Variants in FOXP4 observed in about 807,000 individuals in gnomAD.
FOXP4 encodes forkhead box P4.
In FOXP4, 25 loss-of-function variants were observed where a neutral mutation model predicts 82.6. The ratio of observed to expected loss-of-function variants is 0.30; its 90% CI spans 0.22 to 0.42. The LOEUF is 0.42. Among genes scored for constraint, FOXP4 ranks in the 10% least tolerant of loss-of-function variants. The probability of loss-of-function intolerance (pLI) is 1.00; values close to 1 mark genes in which losing one functional copy is unlikely to be tolerated. For missense variants in FOXP4, 785 were observed against 900.9 expected, an observed-to-expected ratio of 0.87 and a Z score of 1.65; for synonymous variants, 415 against 388.2, an observed-to-expected ratio of 1.07 and a Z score of -0.81.
At chr6:41,552,839 GTC>G (rs1764074851) in intron 1 of FOXP4, among the ~76,000 whole-genome samples, 1 of 152,106 alleles carries the variant, frequency 6.6e-6, no homozygotes, top group African/African-American at 2.4e-5. Flanking sequence ...GGCCTAAACA[GTC>G]TGTACCCACA....
At chr6:41,588,609 A>C (rs1166894046) in intron 8 of FOXP4, 35 bp from the exon 9 acceptor site, 1 of 1,606,836 alleles carries the variant, frequency 6.2e-7, no homozygotes, top group Non-Finnish European at 8.5e-7. Context: ...GGGAAACCGG[A>C]GCCAACTTTC....
At chr6:41,576,891 C>G (rs1275528441) in intron 2 of FOXP4, among the ~76,000 whole-genome samples, 1 of 152,182 alleles carries the variant, frequency 6.6e-6, no homozygotes. Context: ...CCTGCACTGG[C>G]TCCCAAGGGG....
At chr6:41,598,675 G>A in intron 16 of FOXP4, 114 bp from the exon 17 acceptor site, 2 of 1,450,790 alleles carry the variant, frequency 1.4e-6, no homozygotes, top group Non-Finnish European at 1.9e-6. Context: ...GGATCCTGGG[G>A]AGGGGGCTGT....
chr6:41,550,746 G>T (rs189318085), intron 1 of FOXP4, among the ~76,000 whole-genome samples: 114 of 152,338 alleles, frequency 7.5e-4, no homozygotes, highest in African/African-American at 2.6e-3. Context: ...GTTTCCACCT[G>T]CACACAACCC....
Position 41,587,881 on chromosome 6 carries a change from C to G in FOXP4, c.961C>G (p.Leu321Val), listed in dbSNP as rs762633411. Reference sequence around the variant, plus strand: ...AGGCTGTGAGACCCTGTGTGAAGACCTGGGCCAGTTTATCAAGTAGGTGTC... The same window carrying G: ...AGGCTGTGAGACCCTGTGTGAAGACGTGGGCCAGTTTATCAAGTAGGTGTC... ...WPGCETLCEDLGQFIKHLNTE... is the reference protein window; with the variant it reads ...WPGCETLCEDVGQFIKHLNTE... The change falls in exon 8 of 17, where the codon CTG (leucine) becomes GTG (valine). Residue 321 changes from leucine to valine, a missense_variant. This residue lies in a region of FOXP4 where 570 missense variants were observed against 634.0 expected (regional missense o/e 0.90). Coordinates refer to ENST00000307972, the MANE Select transcript of FOXP4 (RefSeq NM_001012426.2). The G allele has an allele frequency of 1.9e-6, 3 of 1,559,328 alleles. No homozygotes were observed. In the East Asian group the frequency reaches 7.2e-5, roughly 37 times the overall value.
intron 3 of FOXP4, among the ~76,000 whole-genome samples, chr6:41,584,132 G>A (rs919435131): frequency 5.3e-5 from 8 of 152,202 alleles, no homozygotes; most frequent in African/African-American, 1.9e-4. Flanking sequence ...ACACACATTA[G>A]GACCAGGATG....
chr6:41,598,588 A>C, intron 16 of FOXP4: 1 of 694,924 alleles, frequency 1.4e-6, no homozygotes, highest in Non-Finnish European at 2.4e-6. Flanking sequence ...CTCCTCCCCA[A>C]CCCAGAGCAG....
intron 15 of FOXP4, 94 bp downstream of exon 15, chr6:41,597,336 C>T (rs1766904836): frequency 7.4e-7 from 1 of 1,344,338 alleles, no homozygotes; most frequent in South Asian, 1.2e-5. Context: ...GAGGACTCAC[C>T]AGAGGAGGGA....
intron 2 of FOXP4, among the ~76,000 whole-genome samples, chr6:41,569,916 TG>T (rs1765093100): frequency 6.7e-6 from 1 of 150,316 alleles, no homozygotes; most frequent in African/African-American, 2.5e-5. Flanking sequence ...TTCAAAGAGA[TG>T]GGGGGAATGT....
chr6:41,595,584 T>C (rs928815154), intron 14 of FOXP4, among the ~76,000 whole-genome samples: 13 of 152,086 alleles, frequency 8.5e-5, no homozygotes, highest in African/African-American at 2.7e-4. Context: ...ATTTATTATT[T>C]TTTTAATTTT....
intron 14 of FOXP4, among the ~76,000 whole-genome samples, chr6:41,595,566 A>C (rs2127405954): frequency 6.6e-6 from 1 of 151,814 alleles, no homozygotes; most frequent in Non-Finnish European, 1.5e-5. Context: ...TTATTTATTT[A>C]CTTATTTATT....
rs1388829672 is a variant in FOXP4, at chr6:41,591,547, C to A, written c.1536+225C>A. Among the ~76,000 whole-genome samples, 2 of 152,350 alleles carry A rather than the reference C, an allele frequency of 1.3e-5. No homozygotes were observed. Among genetic ancestry groups the A allele is most frequent in the East Asian group, 3.9e-4 (2 of 5,176 alleles). On this transcript the variant is annotated intron_variant, in intron 13 of 16. Transcript: ENST00000307972. This position sits in a 1 kb window ranked among gnomAD's most constrained non-coding sequence, Gnocchi z 4.2. Reference sequence around the variant, plus strand: ...CTTCCTTCCAGCCTGGTGCTGCCTCCTTTCTGGGAAGCAATCCTTCTCTAG... The same window carrying A: ...CTTCCTTCCAGCCTGGTGCTGCCTCATTTCTGGGAAGCAATCCTTCTCTAG...
In FOXP4 at chr6:41,601,104, C is replaced by CCT. The variant is rs898304798; in HGVS notation, c.*2168_*2169insCT. The CCT allele has an allele frequency of 6.6e-6, 1 of 152,140 alleles. No homozygotes were observed. The highest frequency in any genetic ancestry group is 1.5e-5 in the Non-Finnish European group (1 of 68,082). The allele number at this position is 152,140 out of a possible 1,614,324, so 9.4% of individuals were successfully genotyped here. A position where few individuals can be genotyped will look rare whatever the true frequency, so the allele number is the denominator to read the frequency against. On this transcript the variant is annotated 3_prime_UTR_variant, in exon 17 of 17. Coordinates refer to ENST00000307972, the MANE Select transcript of FOXP4 (RefSeq NM_001012426.2). ...TCTTCAAGGGGGCTGCCTGGATAGG[C>CCT]GTGTGTGTGTGTAGTGCCCAGGTGT...
rs771893921 is a variant in FOXP4 at position 41,589,515 on chromosome 6, C to T, written c.1066-256C>T. ...AGGCAGGGATAAGCTCCAGCCAGGA[C>T]GCACTGGGAGGGCTCAAATGGTCAC... On this transcript the variant is annotated intron_variant, in intron 9 of 16. Coordinates refer to ENST00000307972, the MANE Select transcript of FOXP4 (RefSeq NM_001012426.2). Among the ~76,000 whole-genome samples, 57 of 152,332 alleles carry T rather than the reference C, an allele frequency of 3.7e-4. 1 individual carries two copies. Among genetic ancestry groups the T allele is most frequent in the Middle Eastern group, 6.8e-3 (2 of 294 alleles).
In FOXP4 at chr6:41,578,001, C is replaced by G. The variant is rs753544764; in HGVS notation, c.220C>G (p.Arg74Gly). 25 of 1,612,552 alleles carry G rather than the reference C, an allele frequency of 1.6e-5. No individual in the cohort carries two copies. The highest frequency in any genetic ancestry group is 2.0e-5 in the Non-Finnish European group (24 of 1,179,946). ...FQQQQALQVA[R>G]QFLLQQASGL... ...TGTCTTGCAGGCTCTCCAAGTGGCC[C>G]GGCAGTTCCTGCTGCAGCAGGCCTC... Residue 74 changes from arginine to glycine, a missense_variant, in exon 3 of 17, where the codon CGG (arginine) becomes GGG (glycine). Transcript: ENST00000307972.
chr6:41,566,162 T>TTTC (rs1281851252), intron 2 of FOXP4, among the ~76,000 whole-genome samples, 198 bp downstream of exon 2: 2 of 152,126 alleles, frequency 1.3e-5, no homozygotes, highest in African/African-American at 4.8e-5. Context: ...ACCACAGCAT[T>TTTC]TTCAAGAGAT....
chr6:41,580,976 C>T (rs1765765690), intron 3 of FOXP4, among the ~76,000 whole-genome samples: 1 of 152,204 alleles, frequency 6.6e-6, no homozygotes, highest in Admixed American at 6.5e-5. Context: ...GCCCTCCTTC[C>T]AGGCCTGGAC....
intron 1 of FOXP4, among the ~76,000 whole-genome samples, chr6:41,550,144 A>G (rs1763917095): frequency 6.6e-6 from 1 of 152,170 alleles, no homozygotes; most frequent in South Asian, 2.1e-4. Context: ...AGAGCAAGGA[A>G]CTGAGGCCTC....
At chr6:41,573,766 G>A (rs968599788) in intron 2 of FOXP4, among the ~76,000 whole-genome samples, 6 of 152,124 alleles carry the variant, frequency 3.9e-5, no homozygotes, top group Non-Finnish European at 8.8e-5. Context: ...AGGAAGAAAC[G>A]GAGGCTCAAA....
Sources: allele counts gnomAD v4.1 joint callset (sites outside exome capture counted in the v4.1 genomes callset), GRCh38; gene constraint gnomAD v4.1.1; regional missense constraint gnomAD v4.1.1; non-coding constraint Gnocchi (gnomAD v3.1); transcripts MANE v1.5; gene names NCBI Gene and HGNC (gene_info 2026-07-23, HGNC 2026-07-21).